The following SLC16A4 variants were observed in gnomAD, a reference collection of about 807,000 sequenced individuals.
The protein encoded by SLC16A4 is solute carrier family 16 member 4, also known as probable monocarboxylate transporter 5.
A neutral mutation model predicts 47.9 loss-of-function variants in SLC16A4; 39 were observed. That is an observed-to-expected ratio of 0.81 (90% CI 0.63 to 1.06). The LOEUF is 1.06. SLC16A4 is among the 50% of genes least tolerant of loss of function. The pLI is 0.00. For synonymous variants in SLC16A4, 189 were observed against 199.9 expected, an observed-to-expected ratio of 0.95 and a Z score of 0.46; for missense variants, 524 against 573.8, an observed-to-expected ratio of 0.91 and a Z score of 0.89.
intron 8 of SLC16A4, among the ~76,000 whole-genome samples, chr1:110,364,707 C>T (rs1231372591): frequency 2.0e-5 from 3 of 151,884 alleles, no homozygotes; most frequent in Non-Finnish European, 2.9e-5. Context: ...GACGGAGTTT[C>T]GCCATGTTGG....
intron 2 of SLC16A4, 103 bp from the exon 3 acceptor site, chr1:110,383,069 A>T: frequency 9.0e-7 from 1 of 1,107,500 alleles, no homozygotes; most frequent in Non-Finnish European, 1.3e-6. Context: ...ACTACTATTT[A>T]CCAGTTTGCC....
Position 110,363,802 on chromosome 1 carries a change from T to G in SLC16A4, c.1428A>C (p.Val476=), listed in dbSNP as rs1191891416. 2.5e-6 allele frequency: 4 copies of G among 1,609,840 alleles called. No individual in the cohort carries two copies. In the African/African-American group the frequency reaches 5.4e-5, roughly 22 times the overall value. The change falls in exon 9 of 9, where the codon GTA becomes GTC. Residue 476 remains valine (V), a synonymous_variant. Transcript: ENST00000369779. ...YLLSSVSFFF[V]PLAERWKNSL... is the part of the protein sequence containing the mutation. Reference sequence around the variant, plus strand: ...TGTTTTTCCATCTTTCGGCCAATGGTACAAAAAAAAAGGAAACTGAAGAGA... The same window carrying G: ...TGTTTTTCCATCTTTCGGCCAATGGGACAAAAAAAAAGGAAACTGAAGAGA...
intron 2 of SLC16A4, among the ~76,000 whole-genome samples, chr1:110,388,960 T>A (rs1662879115): frequency 6.6e-6 from 1 of 152,242 alleles, no homozygotes; most frequent in East Asian, 1.9e-4. Flanking sequence ...TCCACACACC[T>A]AGGCCTCCCA....
chr1:110,389,481 A>G, intron 1 of SLC16A4, 126 bp from the exon 2 acceptor site: 1 of 654,942 alleles, frequency 1.5e-6, no homozygotes, highest in Non-Finnish European at 2.6e-6. Flanking sequence ...CCACTGTGCA[A>G]CGCAGTTTGG....
chr1:110,383,302 G>A (rs764856465), intron 2 of SLC16A4, among the ~76,000 whole-genome samples: 8 of 152,180 alleles, frequency 5.3e-5, no homozygotes, highest in Non-Finnish European at 1.2e-4. Context: ...GACAGGAATT[G>A]CAATAGAGAA....
chr1:110,385,194 GCAAT>G (rs1662669617), intron 2 of SLC16A4, among the ~76,000 whole-genome samples: 1 of 152,148 alleles, frequency 6.6e-6, no homozygotes, highest in African/African-American at 2.4e-5. Flanking sequence ...ACAGGGTTCT[GCAAT>G]CAGTCTGCCT....
intron 3 of SLC16A4, 81 bp from the exon 4 acceptor site, chr1:110,381,876 G>T: frequency 7.8e-7 from 1 of 1,280,048 alleles, no homozygotes; most frequent in Non-Finnish European, 1.1e-6. Flanking sequence ...TTAAATGAAT[G>T]ACAAGGAAAG....
rs568464552 is a variant in SLC16A4 at position 110,366,161 on chromosome 1, T to G, written c.1337-2268A>C. On this transcript the variant is annotated intron_variant, in intron 8 of 8. Transcript: ENST00000369779. ...TTTCTCTCTCTCTCACTCACTCACT[T>G]TTTTTTTTGTTTTTTGAGACAGAGC... 1.1e-3 allele frequency among the ~76,000 whole-genome samples: 168 copies of G among 148,888 alleles called. 1 individual carries two copies. Among genetic ancestry groups the G allele is most frequent in the South Asian group, 5.8e-3 (27 of 4,666 alleles).
At chr1:110,387,312 T>C (rs1230573522) in intron 2 of SLC16A4, among the ~76,000 whole-genome samples, 1 of 152,192 alleles carries the variant, frequency 6.6e-6, no homozygotes, top group African/African-American at 2.4e-5. Context: ...CATACAAATA[T>C]ATAAAGTGTG....
At chr1:110,382,711 T>C in intron 3 of SLC16A4, 123 bp downstream of exon 3, 1 of 978,458 alleles carries the variant, frequency 1.0e-6, no homozygotes, top group East Asian at 2.7e-5. Flanking sequence ...TTCTCAGCGT[T>C]ACATATCAGT....
At chr1:110,376,792 A>G (rs1374719379) in intron 7 of SLC16A4, among the ~76,000 whole-genome samples, 158 bp downstream of exon 7, 1 of 152,180 alleles carries the variant, frequency 6.6e-6, no homozygotes, top group Non-Finnish European at 1.5e-5. Flanking sequence ...CACACACAAG[A>G]TGAGTAACTG....
chr1:110,390,703 CATT>C (rs1557918505), intron 1 of SLC16A4, among the ~76,000 whole-genome samples, 159 bp downstream of exon 1: 1 of 152,184 alleles, frequency 6.6e-6, no homozygotes, highest in Non-Finnish European at 1.5e-5. Flanking sequence ...GAACAGTACT[CATT>C]ATTTCCCCTG....
At chr1:110,382,780 A>G in intron 3 of SLC16A4, 54 bp downstream of exon 3, 1 of 1,452,888 alleles carries the variant, frequency 6.9e-7, no homozygotes, top group African/African-American at 1.4e-5. Flanking sequence ...GAATCTTGGA[A>G]TTGCCCTTTG....
chr1:110,363,680 T>C lies in SLC16A4; in HGVS notation c.*86A>G, dbSNP rs1436834606. The C allele has an allele frequency of 2.5e-6, 3 of 1,222,106 alleles. No homozygotes were observed. Among genetic ancestry groups the C allele is most frequent in the East Asian group, 5.1e-5 (2 of 38,930 alleles). 75.7% of individuals were successfully genotyped at this position (1,222,106 alleles called of 1,614,324 possible). ...TCTCATGTTACAAATGTAGATGCGA[T>C]GTGTTTCTTTCAAGCTTTTGTTTCC... is the stretch of plus-strand genomic sequence containing the variant. On this transcript the variant is annotated 3_prime_UTR_variant, in exon 9 of 9. Coordinates refer to ENST00000369779, the MANE Select transcript of SLC16A4 (RefSeq NM_004696.3).
chr1:110,388,561 T>G (rs1662855492), intron 2 of SLC16A4, among the ~76,000 whole-genome samples: 1 of 152,200 alleles, frequency 6.6e-6, no homozygotes. Context: ...GAGCACTTTT[T>G]AGCACCTCCC....
At chr1:110,385,907 A>G (rs2101070680) in intron 2 of SLC16A4, among the ~76,000 whole-genome samples, 1 of 152,356 alleles carries the variant, frequency 6.6e-6, no homozygotes, top group African/African-American at 2.4e-5. Flanking sequence ...TAGGTTAGAA[A>G]ATATACACAG....
chr1:110,387,169 G>A (rs1045238487), intron 2 of SLC16A4, among the ~76,000 whole-genome samples: 1 of 152,112 alleles, frequency 6.6e-6, no homozygotes, highest in Non-Finnish European at 1.5e-5. Context: ...TTTACTGAGT[G>A]CCTACTATGT....
At chr1:110,366,526 T>C (rs981094675) in intron 8 of SLC16A4, among the ~76,000 whole-genome samples, 4 of 152,234 alleles carry the variant, frequency 2.6e-5, no homozygotes, top group East Asian at 3.8e-4. Context: ...GGTTATGATA[T>C]GCATTTTTAC....
At chr1:110,380,095 T>TG (rs1413504137) in intron 5 of SLC16A4, among the ~76,000 whole-genome samples, 1 of 129,958 alleles carries the variant, frequency 7.7e-6, no homozygotes, top group Non-Finnish European at 1.6e-5. Flanking sequence ...GAGGAAGGCA[T>TG]GGATAGCCTT....
Sources: gnomAD v4.1 joint callset for allele counts (sites outside exome capture counted in the v4.1 genomes callset) on GRCh38, gnomAD v4.1.1 for gene constraint, MANE v1.5 for transcripts, NCBI Gene and HGNC (gene_info 2026-07-23, HGNC 2026-07-21) for gene names.